The following GRID2 variants were observed in gnomAD, a reference collection of about 807,000 sequenced individuals.
GRID2 encodes the protein glutamate ionotropic receptor delta type subunit 2.
A neutral mutation model predicts 114.8 loss-of-function variants in GRID2; 33 were observed. The ratio of observed to expected loss-of-function variants is 0.29; its 90% confidence interval spans 0.22 to 0.38. GRID2 has a LOEUF of 0.38. Among genes scored for constraint, GRID2 ranks in the 10% least tolerant of loss-of-function variants. The pLI is 1.00. For synonymous variants in GRID2, 505 were observed against 449.9 expected (o/e 1.12, Z -1.55); for missense variants, 1,184 against 1,257.7 (o/e 0.94, Z 0.89).
intron 1 of GRID2, among the ~76,000 whole-genome samples, chr4:92,313,089 G>A (rs1232566534): frequency 6.2e-5 from 9 of 144,442 alleles, no homozygotes; most frequent in Admixed American, 4.0e-4. Context: ...ATATGTGTGT[G>A]TGTGTGTGTG....
chr4:93,793,925 G>A (rs1486271447), intron 1 of GRID2, among the ~76,000 whole-genome samples: 1 of 151,994 alleles, frequency 6.6e-6, no homozygotes, highest in Non-Finnish European at 1.5e-5. Flanking sequence ...GAAATGCCAA[G>A]AATCTTCCCT....
intron 2 of GRID2, among the ~76,000 whole-genome samples, chr4:92,671,232 A>C (rs1490791355): frequency 6.8e-6 from 1 of 147,524 alleles, no homozygotes; most frequent in Admixed American, 6.9e-5. Flanking sequence ...CTATCCACTT[A>C]AACAATCAGA....
At chr4:93,328,259 T>G (rs1391646576) in intron 8 of GRID2, among the ~76,000 whole-genome samples, 2 of 135,820 alleles carry the variant, frequency 1.5e-5, no homozygotes, top group African/African-American at 5.5e-5. Context: ...TACAAACTCT[T>G]TATGTGATCT....
At chr4:93,808,845 T>A (rs1418005163) in exon 2 of GRID2, 1 of 152,042 alleles carries the variant, frequency 6.6e-6, no homozygotes, top group Non-Finnish European at 1.5e-5. Context: ...AGCGCATGCT[T>A]CCGAAAATAA....
Position 93,148,824 on chromosome 4 carries a change from A to G in GRID2, c.735+37871A>G, listed in dbSNP as rs141754826. Among the ~76,000 whole-genome samples, 649 of 152,298 alleles carry G rather than the reference A, an allele frequency of 4.3e-3. 9 individuals carry two copies. The highest frequency in any genetic ancestry group is 0.015 in the African/African-American group (626 of 41,564). ...CTAGGGCATATCCTAATTGTGGTAG[A>G]TATGTAATAAATATTTCATGACTAA... On this transcript the variant is annotated intron_variant, in intron 4 of 15. Transcript: ENST00000282020.
chr4:92,692,641 T>G (rs1734231537), intron 2 of GRID2, among the ~76,000 whole-genome samples: 1 of 152,184 alleles, frequency 6.6e-6, no homozygotes, highest in Admixed American at 6.5e-5. Flanking sequence ...TTGTAATGTT[T>G]ACAGTATATT....
intron 1 of GRID2, among the ~76,000 whole-genome samples, chr4:92,462,261 C>G (rs1335383643): frequency 6.6e-6 from 1 of 152,014 alleles, no homozygotes; most frequent in African/African-American, 2.4e-5. Context: ...TAGTTGCCTA[C>G]GCATCACAGT....
intron 2 of GRID2, among the ~76,000 whole-genome samples, chr4:93,033,790 C>G (rs2149260591): frequency 6.6e-6 from 1 of 152,250 alleles, no homozygotes; most frequent in East Asian, 1.9e-4. Context: ...AAAGATGCAG[C>G]TCTATGAGCA....
intron 1 of GRID2, among the ~76,000 whole-genome samples, chr4:92,415,355 G>A (rs1402091392): frequency 6.6e-6 from 1 of 151,756 alleles, no homozygotes; most frequent in Non-Finnish European, 1.5e-5. Context: ...TGGGAGAACA[G>A]GTGGTGTTTG....
chr4:92,898,923 A>C (rs2149477993), intron 2 of GRID2, among the ~76,000 whole-genome samples: 1 of 152,282 alleles, frequency 6.6e-6, no homozygotes, highest in East Asian at 1.9e-4. Flanking sequence ...AGTAACAATA[A>C]CTTTAATTTT....
chr4:92,598,608 G>A (rs999737172), intron 2 of GRID2, among the ~76,000 whole-genome samples: 1 of 152,114 alleles, frequency 6.6e-6, no homozygotes, highest in African/African-American at 2.4e-5. Flanking sequence ...TCTGCTCTAT[G>A]TCTTATTATC....
At chr4:93,350,922 G>A (rs920744277) in intron 8 of GRID2, among the ~76,000 whole-genome samples, 2 of 152,058 alleles carry the variant, frequency 1.3e-5, no homozygotes, top group African/African-American at 2.4e-5. Flanking sequence ...CTACATGGCT[G>A]GGGAGGACTC....
intron 1 of GRID2, among the ~76,000 whole-genome samples, chr4:92,386,260 A>G (rs1417227816): frequency 1.3e-5 from 2 of 151,740 alleles, no homozygotes; most frequent in Non-Finnish European, 2.9e-5. Context: ...AGATTTTATC[A>G]GGAATGCATA....
chr4:93,064,166 A>G (rs1728059419), intron 2 of GRID2, among the ~76,000 whole-genome samples: 1 of 150,250 alleles, frequency 6.7e-6, no homozygotes, highest in Admixed American at 6.7e-5. Flanking sequence ...TTGGTGCAAA[A>G]GTAATTGCAG....
intron 2 of GRID2, among the ~76,000 whole-genome samples, chr4:92,784,032 CTT>C (rs1739209025): frequency 3.3e-5 from 5 of 152,024 alleles, no homozygotes. Flanking sequence ...TATTAACAAA[CTT>C]ATCTGAATTT....
At chr4:93,572,152 G>A (rs762154774) in intron 13 of GRID2, among the ~76,000 whole-genome samples, 5 of 152,104 alleles carry the variant, frequency 3.3e-5, no homozygotes, top group Non-Finnish European at 7.4e-5. Context: ...ACTTATTCAT[G>A]TGTCAAACTT....
chr4:93,459,041 A>T (rs1417727581), intron 11 of GRID2, among the ~76,000 whole-genome samples: 1 of 151,868 alleles, frequency 6.6e-6, no homozygotes, highest in Admixed American at 6.6e-5. Flanking sequence ...AATGCCAGGC[A>T]TGGTGGTGGG....
chr4:93,230,177 A>G (rs1745959867), intron 7 of GRID2, among the ~76,000 whole-genome samples: 1 of 151,492 alleles, frequency 6.6e-6, no homozygotes, highest in Non-Finnish European at 1.5e-5. Flanking sequence ...TGTGCATGCT[A>G]TCATAAATGA....
At chr4:92,666,996 C>T (rs2149273329) in intron 2 of GRID2, among the ~76,000 whole-genome samples, 1 of 151,442 alleles carries the variant, frequency 6.6e-6, no homozygotes, top group South Asian at 2.1e-4. Context: ...GTCCTTACTG[C>T]CCACCCTGCC....
Sources: allele counts gnomAD v4.1 joint callset (sites outside exome capture counted in the v4.1 genomes callset), GRCh38; gene constraint gnomAD v4.1.1; transcripts MANE v1.5; gene names NCBI Gene and HGNC (gene_info 2026-07-23, HGNC 2026-07-21).